RBFOX1: variants seen among roughly 807,000 people sequenced by gnomAD.
RBFOX1 encodes the protein RNA binding fox-1 homolog 1.
In RBFOX1, 8 loss-of-function variants were observed where a neutral mutation model predicts 57.7. The observed-to-expected ratio is 0.14, with a 90% confidence interval of 0.08 to 0.25. RBFOX1 has a LOEUF of 0.25. Among genes scored for constraint, RBFOX1 ranks in the 10% least tolerant of loss-of-function variants. The probability of loss-of-function intolerance (pLI) is 1.00; values close to 1 mark genes in which losing one functional copy is unlikely to be tolerated. For missense variants in RBFOX1, 611 were observed against 548.5 expected (o/e 1.11, Z -1.14); for synonymous variants, 326 against 222.4 (o/e 1.47, Z -4.15).
chr16:6,169,081 C>T (rs1372732888), intron 1 of RBFOX1, among the ~76,000 whole-genome samples: 3 of 152,100 alleles, frequency 2.0e-5, no homozygotes, highest in South Asian at 2.1e-4. Flanking sequence ...TAGCCACATT[C>T]GGATTTGTAG....
At chr16:6,337,247 T>C (rs1404116919) in intron 2 of RBFOX1, among the ~76,000 whole-genome samples, 1 of 152,176 alleles carries the variant, frequency 6.6e-6, no homozygotes, top group Non-Finnish European at 1.5e-5. Flanking sequence ...CCCTATGAGG[T>C]TCAATGGTCT....
At chr16:5,596,660 G>A (rs924653224) in intron 2 of RBFOX1, among the ~76,000 whole-genome samples, 7 of 152,172 alleles carry the variant, frequency 4.6e-5, no homozygotes, top group African/African-American at 1.4e-4. Context: ...CTGCTATTGC[G>A]CTTAACTCGT....
intron 3 of RBFOX1, among the ~76,000 whole-genome samples, chr16:6,972,495 A>T (rs2085802373): frequency 6.6e-6 from 1 of 152,114 alleles, no homozygotes; most frequent in African/African-American, 2.4e-5. Context: ...CTGTCAGTGG[A>T]CATTTGGGTT....
rs2078182411 is a variant in RBFOX1 at position 6,940,467 on chromosome 16, T to G, written c.-15-111590T>G. 2.0e-5 allele frequency among the ~76,000 whole-genome samples: 3 copies of G among 152,346 alleles called. No individual in the cohort carries two copies. In the South Asian group the frequency reaches 6.2e-4, roughly 32 times the overall value. On this transcript the variant is annotated intron_variant, in intron 3 of 15. Transcript: ENST00000550418. ...ACAGCAAAAACTGACGAGTGAGTGA[T>G]GACAATGATAATTTAGGTAAATATT...
intron 4 of RBFOX1, among the ~76,000 whole-genome samples, chr16:7,337,748 A>T (rs1049161665): frequency 1.3e-5 from 2 of 152,112 alleles, no homozygotes; most frequent in African/African-American, 2.4e-5. Flanking sequence ...GCAGGGGCGC[A>T]ATCTCGGCTC....
At chr16:6,325,046 G>A (rs1269304534) in intron 2 of RBFOX1, among the ~76,000 whole-genome samples, 4 of 152,052 alleles carry the variant, frequency 2.6e-5, no homozygotes, top group African/African-American at 4.8e-5. Flanking sequence ...TACATTCATG[G>A]GTTGTAGTAA....
intron 2 of RBFOX1, among the ~76,000 whole-genome samples, chr16:6,327,112 C>T (rs949438742): frequency 1.3e-5 from 2 of 152,148 alleles, no homozygotes; most frequent in Non-Finnish European, 2.9e-5. Context: ...ACTGTCGTTC[C>T]TTCTCCACTT....
intron 3 of RBFOX1, among the ~76,000 whole-genome samples, chr16:6,720,581 G>C (rs1488492085): frequency 1.3e-5 from 2 of 152,172 alleles, no homozygotes; most frequent in Non-Finnish European, 2.9e-5. Flanking sequence ...AGCATGGTAT[G>C]ATGGAGAAAC....
intron 5 of RBFOX1, among the ~76,000 whole-genome samples, chr16:7,559,753 C>T (rs932324088): frequency 6.6e-6 from 1 of 152,176 alleles, no homozygotes; most frequent in Admixed American, 6.5e-5. Flanking sequence ...TTTTCATCTA[C>T]CCTCCTTAGT....
intron 2 of RBFOX1, among the ~76,000 whole-genome samples, chr16:6,445,610 G>A (rs910010060): frequency 7.3e-6 from 1 of 136,296 alleles, no homozygotes; most frequent in African/African-American, 2.8e-5. Context: ...TTGAGATGGA[G>A]CCTTACTCTG....
At chr16:7,060,984 G>T (rs2054068637) in intron 4 of RBFOX1, among the ~76,000 whole-genome samples, 1 of 152,190 alleles carries the variant, frequency 6.6e-6, no homozygotes, top group African/African-American at 2.4e-5. Context: ...ATTCAGGCCT[G>T]AGATCTTCAT....
At chr16:6,317,821 C>T (rs940037123) in intron 2 of RBFOX1, among the ~76,000 whole-genome samples, 5 of 152,074 alleles carry the variant, frequency 3.3e-5, no homozygotes, top group African/African-American at 9.7e-5. Context: ...AAGAAGAAAT[C>T]TGTAATAATT....
chr16:7,656,000 A>G (rs1414885554), intron 12 of RBFOX1, among the ~76,000 whole-genome samples: 2 of 148,558 alleles, frequency 1.3e-5, no homozygotes, highest in Admixed American at 6.8e-5. Flanking sequence ...TGATGAAACA[A>G]TGTGTTTGTA....
Position 7,704,537 on chromosome 16 carries a change from TTC to T in RBFOX1, c.996-4513_996-4512del, listed in dbSNP as rs561325761. ...CATGAGTGTCTCTCCCAGGCCCCAT[TTC>T]TCTCTTTACTCCTTTGTCTTGCTGC... is the stretch of plus-strand genomic sequence containing the variant. On this transcript the variant is annotated intron_variant, in intron 14 of 15. Transcript: ENST00000550418. Among the ~76,000 whole-genome samples, 653 of 152,308 alleles carry T rather than the reference TTC, an allele frequency of 4.3e-3. 4 individuals are homozygous for T. Among genetic ancestry groups the T allele is most frequent in the South Asian group, 0.025 (120 of 4,818 alleles).
chr16:6,255,291 T>A (rs1338386624), intron 1 of RBFOX1, among the ~76,000 whole-genome samples: 2 of 151,898 alleles, frequency 1.3e-5, no homozygotes, highest in African/African-American at 2.4e-5. Flanking sequence ...ACTCTGTGGG[T>A]AGTTGAGATG....
chr16:6,675,673 A>T (rs2057513050), intron 3 of RBFOX1, among the ~76,000 whole-genome samples: 1 of 152,192 alleles, frequency 6.6e-6, no homozygotes, highest in East Asian at 1.9e-4. Context: ...GGCAGAAGGA[A>T]AGCATGTGTT....
chr16:6,666,540 CAAA>C (rs35935992), intron 3 of RBFOX1, among the ~76,000 whole-genome samples: 3 of 81,448 alleles, frequency 3.7e-5, no homozygotes, highest in African/African-American at 3.9e-5. Flanking sequence ...ACTCTGTCTC[CAAA>C]AAAAAAAAAA....
intron 1 of RBFOX1, among the ~76,000 whole-genome samples, chr16:5,318,477 T>C (rs576904344): frequency 9.3e-4 from 141 of 152,306 alleles, no homozygotes; most frequent in Middle Eastern, 3.4e-3. Context: ...TGCCTTCTCA[T>C]GTTTGCCCAC....
intron 15 of RBFOX1, 190 bp from the exon 16 acceptor site, chr16:7,710,433 T>G (rs1222077070): frequency 7.1e-7 from 1 of 1,408,302 alleles, no homozygotes; most frequent in East Asian, 2.8e-5. Context: ...GGAATTTCTT[T>G]AGGAGGAGCT....
Sources: gnomAD v4.1 joint callset for allele counts (sites outside exome capture counted in the v4.1 genomes callset) on GRCh38, gnomAD v4.1.1 for gene constraint, MANE v1.5 for transcripts, NCBI Gene and HGNC (gene_info 2026-07-23, HGNC 2026-07-21) for gene names.